The following SEMA4D variants were observed in gnomAD, a reference collection of about 807,000 sequenced individuals.
SEMA4D encodes the protein semaphorin 4D, also known as semaphorin-4D.
Under a neutral mutation model 74.8 loss-of-function variants are expected in SEMA4D, and 22 were observed. The observed-to-expected ratio is 0.29, with a 90% CI of 0.21 to 0.42. The LOEUF (loss-of-function observed/expected upper bound fraction) is 0.42, where lower values mean the gene tolerates loss of function less well. SEMA4D is among the 10% of genes least tolerant of loss of function. The pLI is 1.00. For synonymous variants in SEMA4D, 445 were observed against 463.7 expected (o/e 0.96, Z 0.52); for missense variants, 937 against 1,118.4 (o/e 0.84, Z 2.31).
intron 2 of SEMA4D, among the ~76,000 whole-genome samples, chr9:89,412,082 C>T (rs536087580): frequency 9.7e-4 from 147 of 152,272 alleles, no homozygotes; most frequent in African/African-American, 3.2e-3. Context: ...CTGACCCCCA[C>T]ACTCCATCCC....
At chr9:89,362,521 G>C in intron 18 of SEMA4D, 1 of 1,606,984 alleles carries the variant, frequency 6.2e-7, no homozygotes, top group East Asian at 2.2e-5. Context: ...ATCCCAGGCA[G>C]AGCACTCAAG....
At chr9:89,364,608 A>C (rs1279541700) in intron 16 of SEMA4D, 1 of 156,518 alleles carries the variant, frequency 6.4e-6, no homozygotes, top group Non-Finnish European at 1.4e-5. Flanking sequence ...TGGGCCCGAC[A>C]TTGGCCACTT....
intron 12 of SEMA4D, chr9:89,387,153 G>T: frequency 1.9e-6 from 1 of 515,824 alleles, no homozygotes; most frequent in Non-Finnish European, 3.4e-6. Flanking sequence ...CACAGGCCAG[G>T]ACTTGCATTT....
chr9:89,363,285 G>C, intron 18 of SEMA4D: 1 of 1,232,748 alleles, frequency 8.1e-7, no homozygotes, highest in Non-Finnish European at 1.1e-6. Context: ...CAGTGTTGCA[G>C]ATTTCATAAA....
At chr9:89,485,206 C>T (rs1216704927) in intron 1 of SEMA4D, among the ~76,000 whole-genome samples, 1 of 152,152 alleles carries the variant, frequency 6.6e-6, no homozygotes, top group African/African-American at 2.4e-5. Flanking sequence ...CCTTGCCATG[C>T]ATGTTGGTTC....
chr9:89,413,229 A>G (rs139905647), intron 2 of SEMA4D, among the ~76,000 whole-genome samples: 1 of 152,222 alleles, frequency 6.6e-6, no homozygotes, highest in Admixed American at 6.5e-5. Context: ...GGGGCTGTTC[A>G]TGAGGGTGCA....
In SEMA4D at chr9:89,408,972, G is replaced by A. The variant is rs114215622; in HGVS notation, c.-243-3273C>T. ...GGATGGGAGAAGGCGCTCTGAAGACGGATGCGGAGCCTGCAGAGGTAAGGC... is the reference window on the plus strand; with the variant it reads ...GGATGGGAGAAGGCGCTCTGAAGACAGATGCGGAGCCTGCAGAGGTAAGGC... On this transcript the variant is annotated intron_variant, in intron 2 of 15. Transcript: ENST00000422704. Among the ~76,000 whole-genome samples the A allele has an allele frequency of 7.7e-3, 1,177 of 152,354 alleles. 15 individuals carry two copies. The highest frequency in any genetic ancestry group is 0.025 in the African/African-American group (1,029 of 41,578).
chr9:89,489,753 C>A (rs1305759177), intron 1 of SEMA4D, among the ~76,000 whole-genome samples: 1 of 152,252 alleles, frequency 6.6e-6, no homozygotes, highest in African/African-American at 2.4e-5. Context: ...CATTCATCCA[C>A]TGCTGGACAT....
At chr9:89,394,702 G>A (rs1716086696) in intron 6 of SEMA4D, among the ~76,000 whole-genome samples, 1 of 152,228 alleles carries the variant, frequency 6.6e-6, no homozygotes, top group Non-Finnish European at 1.5e-5. Context: ...GGCCGCAGCT[G>A]ACACCCTTGA....
chr9:89,377,201 T>C (rs1835929321), downstream of SEMA4D: 1 of 1,220,672 alleles, frequency 8.2e-7, no homozygotes, highest in Non-Finnish European at 1.1e-6. Context: ...GGCGGGAGGC[T>C]GCACAGCCTC....
intron 1 of SEMA4D, among the ~76,000 whole-genome samples, chr9:89,496,218 C>T (rs1361977160): frequency 6.6e-6 from 1 of 152,218 alleles, no homozygotes; most frequent in Non-Finnish European, 1.5e-5. Flanking sequence ...GCATTTTCAA[C>T]AGACTCTGGG....
chr9:89,467,691 C>T (rs770923064), intron 1 of SEMA4D, among the ~76,000 whole-genome samples: 2 of 152,052 alleles, frequency 1.3e-5, no homozygotes, highest in Non-Finnish European at 2.9e-5. Flanking sequence ...ACCATCACGC[C>T]CAGCTAATTT....
intron 2 of SEMA4D, among the ~76,000 whole-genome samples, chr9:89,421,661 A>G (rs1349690527): frequency 6.6e-6 from 1 of 152,254 alleles, no homozygotes; most frequent in African/African-American, 2.4e-5. Context: ...ATTCCAGAGG[A>G]TGGAATACTA....
At position 89,405,617 on chromosome 9, in the gene SEMA4D, A is replaced by C. The variant is rs1233841274; in HGVS notation, c.-161T>G. ...CGGTCCCTGAGAATCCACATTTCCC[A>C]GTTCTCCAGGTGAGGAGGGGTCGCT... On this transcript the variant is annotated 5_prime_UTR_variant, in exon 3 of 16. Transcript: ENST00000422704. 3 of 1,438,510 alleles carry C rather than the reference A, an allele frequency of 2.1e-6. No homozygotes were observed. The highest frequency in any genetic ancestry group is 2.7e-5 in the Admixed American group (1 of 36,990). 89.1% of individuals were successfully genotyped at this position (1,438,510 alleles called of 1,614,324 possible). A position where few individuals can be genotyped will look rare whatever the true frequency, so the allele number is the denominator to read the frequency against.
chr9:89,437,575 C>G (rs1007840886), intron 2 of SEMA4D, among the ~76,000 whole-genome samples: 2 of 152,218 alleles, frequency 1.3e-5, no homozygotes, highest in African/African-American at 4.8e-5. Context: ...GGGCACAGGC[C>G]TGGCGCATGA....
intron 1 of SEMA4D, among the ~76,000 whole-genome samples, chr9:89,459,203 T>C (rs1856682596): frequency 6.6e-6 from 1 of 152,212 alleles, no homozygotes; most frequent in Admixed American, 6.5e-5. Flanking sequence ...AGGATCTGAA[T>C]GCCAGATCTC....
intron 2 of SEMA4D, among the ~76,000 whole-genome samples, chr9:89,412,177 CA>C (rs1157643104): frequency 1.3e-5 from 2 of 152,232 alleles, no homozygotes; most frequent in Admixed American, 1.3e-4. Context: ...AGGAGAAACA[CA>C]AACATCCCAG....
chr9:89,379,243 TTG>T lies in SEMA4D; in HGVS notation c.2048_2049del (p.Pro683HisfsTer46). 6.2e-7 allele frequency: 1 copy of T among 1,613,586 alleles called. No homozygotes were observed. The stretch of plus-strand genomic sequence containing the variant: ...GAGGAGGTGGCCTGCACGGCTGGGG[TTG>T]GGGGAGAAGACCCTTGGGTGGATGC... ...LVASTQGSSP[P>X]TPAVQATSSG... On this transcript the variant is annotated frameshift_variant, in exon 16 of 16. Coordinates refer to ENST00000422704, the MANE Select transcript of SEMA4D (RefSeq NM_001371194.2). LOFTEE classifies it high-confidence loss of function.
rs749952359 is a variant in SEMA4D, at chr9:89,378,961, GCTT to G, written c.2329_2331del (p.Lys777del). On this transcript the variant is annotated inframe_deletion, in exon 16 of 16. Transcript: ENST00000422704. ...TCACGGTCACAGAAATCTGACTTGG[GCTT>G]CTTCTTCCCAATTAGTAGGGCCGAG... The G allele has an allele frequency of 3.7e-6, 6 of 1,614,100 alleles. No individual in the cohort carries two copies. The highest frequency in any genetic ancestry group is 4.2e-6 in the Non-Finnish European group (5 of 1,180,000).
Sources: allele counts gnomAD v4.1 joint callset (sites outside exome capture counted in the v4.1 genomes callset), GRCh38; gene constraint gnomAD v4.1.1; transcripts MANE v1.5; gene names NCBI Gene and HGNC (gene_info 2026-07-23, HGNC 2026-07-21).